Variants in KLHL1 observed in about 807,000 individuals in gnomAD.
The protein encoded by KLHL1 is kelch like family member 1.
A neutral mutation model predicts 77.7 loss-of-function variants in KLHL1; 47 were observed. The ratio of observed to expected loss-of-function variants is 0.60; its 90% CI spans 0.48 to 0.77. KLHL1 has a LOEUF of 0.77. Ranked by LOEUF, KLHL1 falls within the 30% of genes least tolerant of loss-of-function variation. The pLI, the probability that KLHL1 is intolerant of heterozygous loss-of-function variation, is 0.00. For missense variants in KLHL1, 925 were observed against 910.8 expected, an observed-to-expected ratio of 1.02 and a Z score of -0.20; for synonymous variants, 360 against 325.2, an observed-to-expected ratio of 1.11 and a Z score of -1.15.
intron 2 of KLHL1, among the ~76,000 whole-genome samples, chr13:69,966,859 T>C (rs1169625933): frequency 1.3e-5 from 2 of 152,198 alleles, no homozygotes; most frequent in African/African-American, 4.8e-5. Context: ...TGAAGACATA[T>C]GACATTTGTC....
intron 5 of KLHL1, among the ~76,000 whole-genome samples, chr13:69,853,007 G>A (rs1217221187): frequency 6.6e-6 from 1 of 151,948 alleles, no homozygotes; most frequent in Non-Finnish European, 1.5e-5. Context: ...ATATAATTGA[G>A]CAGATGGTTA....
At chr13:70,028,204 G>C (rs1347799258) in intron 1 of KLHL1, among the ~76,000 whole-genome samples, 1 of 152,146 alleles carries the variant, frequency 6.6e-6, no homozygotes, top group African/African-American at 2.4e-5. Flanking sequence ...GATATGCTTT[G>C]AGATGTAATA....
chr13:69,832,147 G>A (rs1878787964), intron 6 of KLHL1, among the ~76,000 whole-genome samples: 1 of 149,744 alleles, frequency 6.7e-6, no homozygotes, highest in Non-Finnish European at 1.5e-5. Flanking sequence ...TTGGTAAAAA[G>A]GAAGTCAAAC....
intron 8 of KLHL1, among the ~76,000 whole-genome samples, chr13:69,738,459 AG>A (rs1288339504): frequency 6.6e-6 from 1 of 152,108 alleles, no homozygotes; most frequent in African/African-American, 2.4e-5. Flanking sequence ...ACTGAGCTAA[AG>A]GGTTATGTCC....
chr13:69,736,206 T>G (rs75178116), intron 8 of KLHL1, among the ~76,000 whole-genome samples: 7,154 of 151,168 alleles, frequency 0.047, 525 homozygotes, highest in African/African-American at 0.16. Flanking sequence ...AAACAAACAA[T>G]CCCATTAAAA....
At chr13:69,974,949 C>T (rs2137290672) in intron 2 of KLHL1, among the ~76,000 whole-genome samples, 1 of 152,036 alleles carries the variant, frequency 6.6e-6, no homozygotes, top group South Asian at 2.1e-4. Flanking sequence ...TCTAAATCAC[C>T]TGCAGTAGTT....
chr13:69,742,116 A>C (rs1282766379), intron 7 of KLHL1, among the ~76,000 whole-genome samples: 1 of 152,144 alleles, frequency 6.6e-6, no homozygotes, highest in Non-Finnish European at 1.5e-5. Flanking sequence ...TTGCCTGTTT[A>C]CAATTGCCTC....
chr13:70,001,705 T>A (rs1480823336), intron 1 of KLHL1, among the ~76,000 whole-genome samples: 2 of 145,714 alleles, frequency 1.4e-5, no homozygotes, highest in Non-Finnish European at 3.0e-5. Flanking sequence ...ATCATCTTTC[T>A]ACTATCTTCC....
intron 1 of KLHL1, among the ~76,000 whole-genome samples, chr13:69,994,341 C>T (rs1369654677): frequency 1.3e-5 from 2 of 152,050 alleles, no homozygotes; most frequent in African/African-American, 4.8e-5. Flanking sequence ...TTTCCTTAAG[C>T]CTTCTTTGAT....
rs534601637 is a variant in KLHL1, at chr13:69,706,157, T to A, written c.2187+1468A>T. ...AAGCAATCATTACTTGCTTTTATTT[T>A]TTTTTTACATACAGTGCTCTCTGAA... On this transcript the variant is annotated intron_variant, in intron 10 of 10. Coordinates refer to ENST00000377844, the MANE Select transcript of KLHL1 (RefSeq NM_020866.3). Among the ~76,000 whole-genome samples the A allele has an allele frequency of 5.9e-5, 9 of 151,890 alleles. No homozygotes were observed. The East Asian group carries it at 1.7e-3, about 29-fold the overall frequency.
At chr13:69,805,692 A>C (rs1877587034) in intron 6 of KLHL1, among the ~76,000 whole-genome samples, 1 of 138,636 alleles carries the variant, frequency 7.2e-6, no homozygotes, top group Non-Finnish European at 1.6e-5. Flanking sequence ...GAAAAAAAAC[A>C]AAAAAAAAAA....
At chr13:69,938,238 G>T (rs1025857830) in intron 4 of KLHL1, among the ~76,000 whole-genome samples, 3 of 152,016 alleles carry the variant, frequency 2.0e-5, no homozygotes, top group Admixed American at 2.0e-4. Context: ...CTCTAAAATG[G>T]TTACCATAAA....
intron 7 of KLHL1, among the ~76,000 whole-genome samples, chr13:69,778,271 C>T (rs1875936492): frequency 6.6e-6 from 1 of 152,000 alleles, no homozygotes; most frequent in Non-Finnish European, 1.5e-5. Flanking sequence ...TGGCCAATTA[C>T]TCAGGAAGAT....
rs546383319 is a variant in KLHL1, at chr13:69,711,817, C to A, written c.2016-4021G>T. Reference sequence around the variant, plus strand: ...AGAGGCTGTGTTAATTTACACTCCACTCCTACCATCAGTGTAATGAGCATG... The same window carrying A: ...AGAGGCTGTGTTAATTTACACTCCAATCCTACCATCAGTGTAATGAGCATG... On this transcript the variant is annotated intron_variant, in intron 9 of 10. Transcript: ENST00000377844. 1.4e-3 allele frequency among the ~76,000 whole-genome samples: 208 copies of A among 152,244 alleles called. 7 individuals are homozygous for A. The highest frequency in any genetic ancestry group is 1.6e-3 in the Non-Finnish European group (111 of 68,006).
intron 4 of KLHL1, among the ~76,000 whole-genome samples, chr13:69,914,564 T>C (rs926425285): frequency 1.3e-5 from 2 of 152,194 alleles, no homozygotes; most frequent in East Asian, 1.9e-4. Context: ...GATCATTATT[T>C]ATTAATTTTA....
intron 7 of KLHL1, among the ~76,000 whole-genome samples, chr13:69,790,960 A>T (rs1251713861): frequency 6.6e-6 from 1 of 152,270 alleles, no homozygotes; most frequent in South Asian, 2.1e-4. Context: ...TGATAAAAAC[A>T]TCTATTTTTA....
At chr13:69,904,834 C>G (rs1881994588) in intron 4 of KLHL1, among the ~76,000 whole-genome samples, 1 of 152,120 alleles carries the variant, frequency 6.6e-6, no homozygotes, top group African/African-American at 2.4e-5. Flanking sequence ...AATCACTGCT[C>G]ATAATATGAT....
intron 1 of KLHL1, among the ~76,000 whole-genome samples, chr13:69,984,889 G>T (rs1884819231): frequency 1.3e-5 from 2 of 151,918 alleles, no homozygotes; most frequent in South Asian, 4.1e-4. Flanking sequence ...TGGGCGGATC[G>T]CATGATGTCA....
At chr13:70,053,806 G>A (rs530482462) in intron 1 of KLHL1, among the ~76,000 whole-genome samples, 11 of 152,086 alleles carry the variant, frequency 7.2e-5, no homozygotes, top group Admixed American at 2.6e-4. Flanking sequence ...GCTAGTTTTG[G>A]CGGGCACAAG....
Sources: gnomAD v4.1 joint callset for allele counts (sites outside exome capture counted in the v4.1 genomes callset) on GRCh38, gnomAD v4.1.1 for gene constraint, MANE v1.5 for transcripts, NCBI Gene and HGNC (gene_info 2026-07-23, HGNC 2026-07-21) for gene names.